MBD5: variants seen among roughly 807,000 people sequenced by gnomAD.
MBD5 encodes methyl-CpG-binding domain protein 5.
In MBD5, 13 loss-of-function variants were observed where a neutral mutation model predicts 117.3. The observed-to-expected ratio is 0.11, with a 90% CI of 0.07 to 0.18. MBD5 has a LOEUF of 0.18. Among genes scored for constraint, MBD5 ranks in the 10% least tolerant of loss-of-function variants. MBD5 has a pLI of 1.00. For missense variants in MBD5, 1,879 were observed against 2,093.8 expected, an observed-to-expected ratio of 0.90 and a Z score of 2.00; for synonymous variants, 727 against 766.4, an observed-to-expected ratio of 0.95 and a Z score of 0.85.
At chr2:148,331,876 A>G (rs1444420285) in intron 3 of MBD5, among the ~76,000 whole-genome samples, 1 of 152,160 alleles carries the variant, frequency 6.6e-6, no homozygotes, top group Non-Finnish European at 1.5e-5. Flanking sequence ...ACATGGTAGC[A>G]ATCAATTTTT....
rs114319894 is a variant in MBD5 at position 148,417,742 on chromosome 2, G to A, written c.-556-40461G>A. On this transcript the variant is annotated intron_variant, in intron 4 of 13. Coordinates refer to ENST00000642680, the MANE Select transcript of MBD5 (RefSeq NM_001378120.1). ...GAGTATTTTTTTCATATGTTTTTTC[G>A]CCATTTGTATATCTTCTTTTGAGAA... is the stretch of plus-strand genomic sequence containing the variant. Among the ~76,000 whole-genome samples, 1,025 of 151,408 alleles carry A rather than the reference G, an allele frequency of 6.8e-3. 6 individuals are homozygous for A. Among genetic ancestry groups the A allele is most frequent in the African/African-American group, 0.011 (472 of 41,316 alleles).
intron 1 of MBD5, among the ~76,000 whole-genome samples, chr2:148,074,513 T>TA (rs1553469626): frequency 6.8e-6 from 1 of 147,996 alleles, no homozygotes; most frequent in Non-Finnish European, 1.5e-5. Flanking sequence ...TTTTGTTTTT[T>TA]TTTTTGAGAT....
chr2:148,319,047 A>T (rs2106562329), intron 3 of MBD5, among the ~76,000 whole-genome samples: 1 of 152,138 alleles, frequency 6.6e-6, no homozygotes, highest in South Asian at 2.1e-4. Context: ...ACTTTGTTGG[A>T]GATCAGTTGG....
intron 2 of MBD5, among the ~76,000 whole-genome samples, chr2:148,213,213 TC>T (rs1699473823): frequency 1.3e-5 from 2 of 152,210 alleles, no homozygotes; most frequent in African/African-American, 4.8e-5. Context: ...TTTTCCCTAT[TC>T]TTTAGTATAG....
intron 4 of MBD5, among the ~76,000 whole-genome samples, chr2:148,406,900 G>C (rs919360078): frequency 6.6e-6 from 1 of 152,108 alleles, no homozygotes; most frequent in Non-Finnish European, 1.5e-5. Flanking sequence ...TTTATCTAAA[G>C]GTGGTCTTTC....
chr2:148,102,016 C>T (rs1696229767), intron 1 of MBD5, among the ~76,000 whole-genome samples: 1 of 152,160 alleles, frequency 6.6e-6, no homozygotes, highest in Non-Finnish European at 1.5e-5. Context: ...TAACCCATCA[C>T]TGACTCTTTC....
intron 1 of MBD5, among the ~76,000 whole-genome samples, chr2:148,067,942 G>A (rs1222117251): frequency 6.6e-6 from 1 of 152,190 alleles, no homozygotes; most frequent in Non-Finnish European, 1.5e-5. Flanking sequence ...AGACAACATT[G>A]CTTATGGTAG....
At chr2:148,260,939 T>C (rs1331949578) in intron 3 of MBD5, among the ~76,000 whole-genome samples, 2 of 152,226 alleles carry the variant, frequency 1.3e-5, no homozygotes, top group Admixed American at 6.5e-5. Context: ...CGTCTCTTTG[T>C]ACATCTCCAT....
intron 4 of MBD5, among the ~76,000 whole-genome samples, chr2:148,366,477 G>A (rs1703702560): frequency 6.6e-6 from 1 of 152,044 alleles, no homozygotes; most frequent in Non-Finnish European, 1.5e-5. Flanking sequence ...TTCTGGCCAG[G>A]GCAGTCAGGC....
intron 1 of MBD5, among the ~76,000 whole-genome samples, chr2:148,146,598 C>G (rs889225353): frequency 6.6e-6 from 1 of 151,956 alleles, no homozygotes; most frequent in African/African-American, 2.4e-5. Flanking sequence ...TTAATTTATA[C>G]TATTTGAGTT....
intron 7 of MBD5, among the ~76,000 whole-genome samples, chr2:148,464,445 C>G (rs1018842470): frequency 6.6e-6 from 1 of 152,054 alleles, no homozygotes; most frequent in African/African-American, 2.4e-5. Flanking sequence ...CATGGAGTAT[C>G]CTTCATCTAA....
intron 2 of MBD5, among the ~76,000 whole-genome samples, chr2:148,219,105 A>G (rs1300902313): frequency 1.3e-5 from 2 of 152,180 alleles, no homozygotes; most frequent in Non-Finnish European, 2.9e-5. Context: ...CTGTGCAAAA[A>G]TATTTTCTAT....
chr2:148,025,523 ATTAAG>A (rs1043074165), intron 1 of MBD5: 12 of 150,788 alleles, frequency 8.0e-5, no homozygotes, highest in Non-Finnish European at 1.3e-4. Flanking sequence ...AACAATGTTC[ATTAAG>A]TTATCTCATT....
intron 3 of MBD5, among the ~76,000 whole-genome samples, chr2:148,326,504 A>G (rs1450619170): frequency 1.3e-5 from 2 of 152,196 alleles, no homozygotes; most frequent in Admixed American, 1.3e-4. Flanking sequence ...GACTTGCTTT[A>G]TGAATCTGGG....
At chr2:148,337,133 A>G (rs532359923) in intron 3 of MBD5, among the ~76,000 whole-genome samples, 1 of 152,172 alleles carries the variant, frequency 6.6e-6, no homozygotes, top group Non-Finnish European at 1.5e-5. Flanking sequence ...TTTGGTACCC[A>G]GTGCTCAGTT....
intron 4 of MBD5, among the ~76,000 whole-genome samples, chr2:148,416,058 G>C (rs1254363695): frequency 6.6e-6 from 1 of 152,116 alleles, no homozygotes; most frequent in Non-Finnish European, 1.5e-5. Context: ...TGAGTTACCA[G>C]AGTTCTTGCA....
chr2:148,434,518 A>G (rs1439114855), intron 4 of MBD5, among the ~76,000 whole-genome samples: 1 of 151,956 alleles, frequency 6.6e-6, no homozygotes, highest in East Asian at 1.9e-4. Context: ...TATTTACCTG[A>G]AAGTCTTTCA....
chr2:148,458,703 A>G lies in MBD5; in HGVS notation c.-56A>G. On this transcript the variant is annotated 5_prime_UTR_variant, in exon 5 of 14. The change creates a new upstream start codon in the 5' untranslated region. Transcript: ENST00000642680. ...TTTGAAGGCCATCATGCTCTGTAAT[A>G]TAAGGATATCATCTTATTGCTGATA... 1.4e-6 allele frequency: 2 copies of G among 1,448,170 alleles called. No homozygotes were observed. Among genetic ancestry groups the G allele is most frequent in the South Asian group, 2.3e-5 (2 of 87,600 alleles). The allele number at this position is 1,448,170 out of a possible 1,614,324, so 89.7% of individuals were successfully genotyped here. A position where few individuals can be genotyped will look rare whatever the true frequency, so the allele number is the denominator to read the frequency against.
At chr2:148,046,426 G>C (rs1020394711) in intron 1 of MBD5, among the ~76,000 whole-genome samples, 1 of 152,162 alleles carries the variant, frequency 6.6e-6, no homozygotes, top group Admixed American at 6.5e-5. Context: ...GTGGTTAGCA[G>C]TATAAGTCCC....
Sources: gnomAD v4.1 joint callset for allele counts (sites outside exome capture counted in the v4.1 genomes callset) on GRCh38, gnomAD v4.1.1 for gene constraint, MANE v1.5 for transcripts, NCBI Gene and HGNC (gene_info 2026-07-23, HGNC 2026-07-21) for gene names.